PTPRJ: variants seen among roughly 807,000 people sequenced by gnomAD.
PTPRJ encodes protein tyrosine phosphatase receptor type J, also known as receptor-type tyrosine-protein phosphatase eta.
Under a neutral mutation model 141.3 loss-of-function variants are expected in PTPRJ, and 129 were observed. The observed-to-expected ratio is 0.91, with a 90% CI of 0.79 to 1.06. PTPRJ has a LOEUF of 1.06. PTPRJ is among the 50% of genes least tolerant of loss of function. The pLI is 0.00. For missense variants in PTPRJ, 1,601 were observed against 1,679.7 expected, an observed-to-expected ratio of 0.95 and a Z score of 0.82; for synonymous variants, 610 against 640.5, an observed-to-expected ratio of 0.95 and a Z score of 0.72.
chr11:48,091,365 C>T (rs1040784944), intron 1 of PTPRJ, among the ~76,000 whole-genome samples: 1 of 152,160 alleles, frequency 6.6e-6, no homozygotes, highest in African/African-American at 2.4e-5. Flanking sequence ...GCCCTAATAT[C>T]ATTACTATCC....
intron 19 of PTPRJ, 36 bp from the exon 20 acceptor site, chr11:48,155,765 C>T (rs758272145): frequency 2.7e-5 from 40 of 1,499,136 alleles, no homozygotes; most frequent in Non-Finnish European, 3.7e-5. Context: ...AAAACATTTG[C>T]TTATAATGGG....
intron 3 of PTPRJ, among the ~76,000 whole-genome samples, chr11:48,114,429 C>CAAAAAAAAAAAAAAAAAAAAAA (rs71045544): frequency 2.9e-5 from 2 of 68,716 alleles, no homozygotes; most frequent in African/African-American, 1.3e-4. Context: ...GACTCTGTCT[C>CAAAAAAAAAAAAAAAAAAAAAA]AAAAAAAAAA....
At chr11:48,139,040 G>A (rs1053626254) in intron 10 of PTPRJ, among the ~76,000 whole-genome samples, 9 of 152,186 alleles carry the variant, frequency 5.9e-5, no homozygotes, top group African/African-American at 2.2e-4. Context: ...GGCTGACACA[G>A]GAGAATTGTT....
Position 48,144,882 on chromosome 11 carries a change from A to T in PTPRJ, c.2783A>T (p.Tyr928Phe). Residue 928 changes from tyrosine to phenylalanine, a missense_variant, in exon 13 of 25, where the codon TAC becomes TTC. By Grantham distance (22) the Tyr-to-Phe change is conservative. Coordinates refer to ENST00000418331, the MANE Select transcript of PTPRJ (RefSeq NM_002843.4). The part of the protein sequence containing the change: ...YNGKLEPLGS[Y>F]RACVAGFTNI... ...GGGAAGCTGGAACCTCTGGGCTCCT[A>T]CCGGTAATGTCTTCTGGTTCTTACT... The T allele has an allele frequency of 6.2e-7, 1 of 1,614,140 alleles. No individual in the cohort carries two copies. Among genetic ancestry groups the T allele is most frequent in the Non-Finnish European group, 8.5e-7 (1 of 1,179,968 alleles).
rs748665169 is a variant in PTPRJ, at chr11:48,153,871, A to C, written c.3214A>C (p.Asn1072His). 1 of 1,611,774 alleles carries C rather than the reference A, an allele frequency of 6.2e-7. No individual in the cohort carries two copies. ...LAENRGKNRY[N>H]NVLPYDISRV... is the part of the protein sequence containing the mutation. ...TGAGAATAGAGGAAAGAATCGCTAT[A>C]ATAATGTTCTGCCCTGTAAGTTATT... is the stretch of plus-strand genomic sequence containing the variant. Residue 1072 changes from asparagine to histidine, a missense_variant, in exon 19 of 25, where the codon AAT (asparagine) becomes CAT (histidine). Coordinates refer to ENST00000418331, the MANE Select transcript of PTPRJ (RefSeq NM_002843.4).
At position 48,149,970 on chromosome 11, in the gene PTPRJ, T is replaced by C; in HGVS notation, c.3042-20T>C. ...AGTCTTTCTAATTGCATATTTTTTC[T>C]TTCCCTTTCTATCATGAAGACCTAA... On this transcript the variant is annotated intron_variant, in intron 16 of 24. Transcript: ENST00000418331. The C allele has an allele frequency of 7.0e-7, 1 of 1,437,268 alleles. No homozygotes were observed. The highest frequency in any genetic ancestry group is 9.7e-7 in the Non-Finnish European group (1 of 1,034,314). The allele number at this position is 1,437,268 out of a possible 1,614,324, so 89.0% of individuals were successfully genotyped here.
chr11:48,088,944 G>C (rs1382098538), intron 1 of PTPRJ, among the ~76,000 whole-genome samples: 1 of 152,198 alleles, frequency 6.6e-6, no homozygotes, highest in Non-Finnish European at 1.5e-5. Flanking sequence ...CTTTGTTTTA[G>C]TGACTCTGTG....
chr11:48,122,772 C>T (rs1856736693), intron 4 of PTPRJ, among the ~76,000 whole-genome samples: 1 of 152,244 alleles, frequency 6.6e-6, no homozygotes, highest in Non-Finnish European at 1.5e-5. Context: ...GAAGAATCAT[C>T]TTACCGTTTC....
intron 1 of PTPRJ, among the ~76,000 whole-genome samples, chr11:48,019,099 G>A (rs562021228): frequency 9.8e-4 from 149 of 152,228 alleles, no homozygotes; most frequent in African/African-American, 3.3e-3. Flanking sequence ...GAGTGAGCCC[G>A]TGGGTCCTGC....
chr11:48,094,110 A>G (rs578116741), intron 1 of PTPRJ, among the ~76,000 whole-genome samples: 1 of 152,344 alleles, frequency 6.6e-6, no homozygotes, highest in African/African-American at 2.4e-5. Context: ...CTTAATCCTT[A>G]TTAATCCCAT....
intron 1 of PTPRJ, among the ~76,000 whole-genome samples, chr11:48,082,398 C>G (rs1357260695): frequency 6.9e-6 from 1 of 145,824 alleles, no homozygotes; most frequent in Admixed American, 7.3e-5. Flanking sequence ...CTTACACCAC[C>G]ATACCTGGCA....
intron 1 of PTPRJ, chr11:48,045,011 A>T (rs1854354506): frequency 6.6e-6 from 1 of 152,172 alleles, no homozygotes; most frequent in African/African-American, 2.4e-5. Flanking sequence ...AACACCTCTT[A>T]TTGCAGGAGT....
chr11:48,053,692 T>C (rs1449936913), intron 1 of PTPRJ, among the ~76,000 whole-genome samples: 1 of 148,924 alleles, frequency 6.7e-6, no homozygotes, highest in Non-Finnish European at 1.5e-5. Flanking sequence ...TTCTCCTGCC[T>C]CAGCCTCCCA....
At chr11:48,164,653 G>GA in intron 24 of PTPRJ, 138 bp downstream of exon 24, 1 of 814,398 alleles carries the variant, frequency 1.2e-6, no homozygotes, top group East Asian at 3.4e-5. Context: ...TGCAACCTCT[G>GA]CCTCCTGGGT....
In PTPRJ at chr11:48,130,440, G is replaced by A; in HGVS notation, c.1358-19G>A. The A allele has an allele frequency of 3.1e-6, 5 of 1,595,876 alleles. No individual in the cohort carries two copies. Among genetic ancestry groups the A allele is most frequent in the Non-Finnish European group, 4.3e-6 (5 of 1,168,880 alleles). ...GGAGAAGTATATTTTTAATCTAGTT[G>A]TTTACTTTCTTTGCATAGCCCCTGT... On this transcript the variant is annotated intron_variant, in intron 7 of 24. Transcript: ENST00000418331.
In PTPRJ at chr11:48,121,130, G is replaced by A; in HGVS notation, c.480G>A (p.Glu160=). ...KYVVKHKMEN[E]KTITVVHQPW... is the part of the protein sequence containing the mutation. ...TAGTAAAGCATAAGATGGAAAATGA[G>A]AAGACAATTACTGTTGTGCATCAAC... Residue 160 remains glutamate, a synonymous_variant, in exon 4 of 25, where the codon GAG becomes GAA. Coordinates refer to ENST00000418331, the MANE Select transcript of PTPRJ (RefSeq NM_002843.4). 6.2e-7 allele frequency: 1 copy of A among 1,614,140 alleles called. No individual in the cohort carries two copies. The highest frequency in any genetic ancestry group is 8.5e-7 in the Non-Finnish European group (1 of 1,180,020).
intron 8 of PTPRJ, chr11:48,131,402 C>T: frequency 1.4e-6 from 1 of 689,672 alleles, no homozygotes; most frequent in East Asian, 2.6e-5. Context: ...ATATTTATTT[C>T]TTTCACAAAC....
intron 14 of PTPRJ, among the ~76,000 whole-genome samples, chr11:48,145,894 T>C (rs983374150): frequency 3.3e-5 from 5 of 152,068 alleles, no homozygotes; most frequent in African/African-American, 7.3e-5. Context: ...TGTTGCTCTG[T>C]TGCCCAGGAG....
chr11:48,106,769 T>C lies in PTPRJ; in HGVS notation c.97-3289T>C, dbSNP rs1193470866. Among the ~76,000 whole-genome samples the C allele has an allele frequency of 7.2e-5, 10 of 139,064 alleles. No homozygotes were observed. In the South Asian group the frequency reaches 9.2e-4, roughly 13 times the overall value. 91.2% of individuals were successfully genotyped at this position (139,064 alleles called of 152,430 possible). On this transcript the variant is annotated intron_variant, in intron 1 of 24. Transcript: ENST00000418331. ...TTCTTTTCTTTCTTTCTTTCTTTTT[T>C]TTTTTTTTTTTTTTTTTAAGACAGA...
Sources: allele counts gnomAD v4.1 joint callset (sites outside exome capture counted in the v4.1 genomes callset), GRCh38; gene constraint gnomAD v4.1.1; transcripts MANE v1.5; gene names NCBI Gene and HGNC (gene_info 2026-07-23, HGNC 2026-07-21).